The following KCNU1 variants were observed in gnomAD, a reference collection of about 807,000 sequenced individuals.
KCNU1 encodes the protein potassium channel subfamily U member 1.
A neutral mutation model predicts 126.8 loss-of-function variants in KCNU1; 93 were observed. The ratio of observed to expected loss-of-function variants is 0.73; its 90% CI spans 0.62 to 0.87. KCNU1 has a LOEUF of 0.87. KCNU1 is among the 40% of genes least tolerant of loss of function. The pLI, the probability that KCNU1 is intolerant of heterozygous loss-of-function variation, is 0.00. For missense variants in KCNU1, 1,330 were observed against 1,367.1 expected (o/e 0.97, Z 0.43); for synonymous variants, 523 against 494.2 (o/e 1.06, Z -0.77).
intron 12 of KCNU1, among the ~76,000 whole-genome samples, chr8:36,836,095 G>A (rs1459571600): frequency 6.6e-6 from 1 of 152,134 alleles, no homozygotes; most frequent in Non-Finnish European, 1.5e-5. Flanking sequence ...CATAGATTTG[G>A]TTGGCAAAGT....
At chr8:36,798,494 A>G (rs1267434134) in intron 2 of KCNU1, among the ~76,000 whole-genome samples, 1 of 152,178 alleles carries the variant, frequency 6.6e-6, no homozygotes, top group Non-Finnish European at 1.5e-5. Flanking sequence ...TTTTTCTTCC[A>G]GGCCTTCCCA....
intron 19 of KCNU1, among the ~76,000 whole-genome samples, chr8:36,892,738 T>C (rs1807016351): frequency 6.6e-6 from 1 of 152,084 alleles, no homozygotes; most frequent in Non-Finnish European, 1.5e-5. Flanking sequence ...TCTGTGTGCA[T>C]GTTGAGGTAA....
At chr8:36,903,301 G>A (rs947157362) in intron 19 of KCNU1, among the ~76,000 whole-genome samples, 2 of 152,124 alleles carry the variant, frequency 1.3e-5, no homozygotes, top group Non-Finnish European at 2.9e-5. Flanking sequence ...GAGTTTGGGG[G>A]TGAGGCATTG....
chr8:36,902,604 G>A (rs1238572683), intron 19 of KCNU1, among the ~76,000 whole-genome samples: 2 of 152,108 alleles, frequency 1.3e-5, no homozygotes, highest in Non-Finnish European at 2.9e-5. Flanking sequence ...ACTTGGTCAT[G>A]ATATGTAAAC....
intron 18 of KCNU1, among the ~76,000 whole-genome samples, chr8:36,859,117 T>C (rs1805638892): frequency 6.6e-6 from 1 of 152,164 alleles, no homozygotes; most frequent in African/African-American, 2.4e-5. Context: ...TGGCTTGGTG[T>C]GTCAATTTGA....
chr8:36,798,510 G>A (rs796490992), intron 2 of KCNU1, among the ~76,000 whole-genome samples: 11 of 152,214 alleles, frequency 7.2e-5, no homozygotes, highest in African/African-American at 2.6e-4. Context: ...TCCCAATCCT[G>A]AAGAACTTAA....
intron 19 of KCNU1, among the ~76,000 whole-genome samples, chr8:36,879,209 GTGTATATATATA>G (rs1489478331): frequency 1.8e-4 from 16 of 86,690 alleles, no homozygotes; most frequent in African/African-American, 5.6e-4. Context: ...GTGTGTGTGT[GTGTATATATATA>G]TATATATATA....
At chr8:36,930,095 A>T (rs1470934690) in intron 24 of KCNU1, among the ~76,000 whole-genome samples, 3 of 152,128 alleles carry the variant, frequency 2.0e-5, no homozygotes, top group South Asian at 2.1e-4. Flanking sequence ...AGAAATTCTC[A>T]TTTTTAATAA....
intron 18 of KCNU1, among the ~76,000 whole-genome samples, chr8:36,861,211 T>G (rs1805718633): frequency 6.6e-6 from 1 of 152,200 alleles, no homozygotes; most frequent in Non-Finnish European, 1.5e-5. Flanking sequence ...AAAAGCAACT[T>G]GGTAACAAGT....
rs1805515133 is a variant in KCNU1 at position 36,855,988 on chromosome 8, C to T, written c.1892-8416C>T. On this transcript the variant is annotated intron_variant, in intron 18 of 26. Transcript: ENST00000399881. ...GGCACAATTTAGTCCACAACAGTCA[C>T]ATTTTGAGGTTCTGGGTAGACACAT... 2.0e-5 allele frequency among the ~76,000 whole-genome samples: 3 copies of T among 152,228 alleles called. No homozygotes were observed. In the South Asian group the frequency reaches 6.2e-4, roughly 32 times the overall value.
chr8:36,870,556 C>T (rs1225105210), intron 19 of KCNU1, among the ~76,000 whole-genome samples: 2 of 152,160 alleles, frequency 1.3e-5, no homozygotes, highest in Non-Finnish European at 2.9e-5. Flanking sequence ...TCTGAGTCCA[C>T]CTAGTGGGGG....
intron 12 of KCNU1, among the ~76,000 whole-genome samples, chr8:36,835,831 AGAAACAGCT>A (rs1349437863): frequency 6.6e-6 from 1 of 152,246 alleles, no homozygotes; most frequent in Non-Finnish European, 1.5e-5. Flanking sequence ...ACATATAGCA[AGAAACAGCT>A]GAAAATCTGT....
chr8:36,834,898 G>A (rs377510303), intron 12 of KCNU1, 30 bp downstream of exon 12: 23 of 1,439,556 alleles, frequency 1.6e-5, no homozygotes, highest in Non-Finnish European at 2.0e-5. Flanking sequence ...ATGCTATAAC[G>A]ATTATTTTTT....
chr8:36,840,908 T>C (rs753130149), intron 15 of KCNU1, 24 bp from the exon 16 acceptor site: 5 of 1,575,820 alleles, frequency 3.2e-6, no homozygotes, highest in African/African-American at 2.7e-5. Context: ...TGCTCTCCTT[T>C]TGACTCCTCG....
chr8:36,885,930 A>T (rs954317853), intron 19 of KCNU1, among the ~76,000 whole-genome samples: 1 of 152,186 alleles, frequency 6.6e-6, no homozygotes, highest in Non-Finnish European at 1.5e-5. Flanking sequence ...CCCCTGTATC[A>T]CCTGAAGAAG....
intron 6 of KCNU1, among the ~76,000 whole-genome samples, 173 bp from the exon 7 acceptor site, chr8:36,808,545 G>T (rs1111122): frequency 1.3e-5 from 2 of 152,140 alleles, no homozygotes; most frequent in East Asian, 3.9e-4. Flanking sequence ...TACCAATGCA[G>T]ATTGGGAGAT....
At chr8:36,913,668 C>T (rs1807979095) in intron 22 of KCNU1, among the ~76,000 whole-genome samples, 1 of 146,834 alleles carries the variant, frequency 6.8e-6, no homozygotes, top group South Asian at 2.1e-4. Context: ...GTGGTGCGAT[C>T]TTGGCTCACT....
At chr8:36,887,558 T>C (rs915888727) in intron 19 of KCNU1, among the ~76,000 whole-genome samples, 1 of 151,906 alleles carries the variant, frequency 6.6e-6, no homozygotes, top group African/African-American at 2.4e-5. Flanking sequence ...GAGTGTATCT[T>C]CTGGAAACCG....
intron 18 of KCNU1, among the ~76,000 whole-genome samples, chr8:36,862,073 T>C (rs1055302922): frequency 4.6e-5 from 7 of 152,158 alleles, no homozygotes; most frequent in Non-Finnish European, 8.8e-5. Context: ...AGGGAACTCA[T>C]GGTAAGTCAT....
Sources: allele counts gnomAD v4.1 joint callset (sites outside exome capture counted in the v4.1 genomes callset), GRCh38; gene constraint gnomAD v4.1.1; transcripts MANE v1.5; gene names NCBI Gene and HGNC (gene_info 2026-07-23, HGNC 2026-07-21).